Variants in SLCO1B1 observed in about 807,000 individuals in gnomAD.
The protein encoded by SLCO1B1 is OATP-2.
SLCO1B1 carries 81 observed loss-of-function variants against 70.1 expected under a neutral mutation model. That is an observed-to-expected ratio of 1.16 (90% CI 0.97 to 1.39). SLCO1B1 has a LOEUF of 1.39. Among genes scored for constraint, SLCO1B1 ranks in the 40% most tolerant of loss-of-function variants. The pLI is 0.00. For synonymous variants in SLCO1B1, 283 were observed against 271.5 expected (o/e 1.04, Z -0.42); for missense variants, 895 against 799.6 (o/e 1.12, Z -1.44).
chr12:21,151,382 C>T (rs765110702), intron 2 of SLCO1B1, among the ~76,000 whole-genome samples: 38 of 152,046 alleles, frequency 2.5e-4, no homozygotes, highest in Non-Finnish European at 4.3e-4. Flanking sequence ...TTTCACGTGA[C>T]GTCATACCAC....
chr12:21,170,390 T>C (rs897752242), intron 2 of SLCO1B1, among the ~76,000 whole-genome samples: 28 of 148,628 alleles, frequency 1.9e-4, no homozygotes, highest in African/African-American at 6.2e-4. Context: ...TTAGTACATA[T>C]GTTGTTAATA....
chr12:21,198,475 A>G (rs1941119365), intron 8 of SLCO1B1, among the ~76,000 whole-genome samples: 1 of 152,110 alleles, frequency 6.6e-6, no homozygotes, highest in Non-Finnish European at 1.5e-5. Flanking sequence ...GTCTAAACCT[A>G]TAAGGAGCGG....
At chr12:21,134,323 G>T (rs933748447) in intron 1 of SLCO1B1, among the ~76,000 whole-genome samples, 2 of 152,182 alleles carry the variant, frequency 1.3e-5, no homozygotes, top group African/African-American at 4.8e-5. Context: ...GCCAGGCTTT[G>T]GTATCAGGAT....
intron 11 of SLCO1B1, among the ~76,000 whole-genome samples, chr12:21,213,991 T>C (rs1941322439): frequency 6.6e-6 from 1 of 151,796 alleles, no homozygotes; most frequent in Non-Finnish European, 1.5e-5. Context: ...AGTTTTCAAC[T>C]TCTTTGCCTT....
chr12:21,154,829 G>A (rs909157516), intron 2 of SLCO1B1, among the ~76,000 whole-genome samples: 1 of 151,952 alleles, frequency 6.6e-6, no homozygotes, highest in Non-Finnish European at 1.5e-5. Context: ...TTATATGCTT[G>A]AGCATATATC....
At chr12:21,137,788 G>A (rs1406912689) in intron 1 of SLCO1B1, among the ~76,000 whole-genome samples, 2 of 152,192 alleles carry the variant, frequency 1.3e-5, no homozygotes, top group East Asian at 1.9e-4. Context: ...GTGCTTCCCG[G>A]GTGAGGCAAT....
intron 7 of SLCO1B1, among the ~76,000 whole-genome samples, chr12:21,183,049 C>A (rs1172237389): frequency 6.6e-6 from 1 of 152,206 alleles, no homozygotes; most frequent in Non-Finnish European, 1.5e-5. Flanking sequence ...CAGGCACAGG[C>A]CTGTTAAGGG....
intron 1 of SLCO1B1, among the ~76,000 whole-genome samples, chr12:21,131,687 T>TAA (rs4149089): frequency 6.6e-6 from 1 of 151,732 alleles, no homozygotes; most frequent in Non-Finnish European, 1.5e-5. Context: ...TTGGCAAACA[T>TAA]AAAAAACAGG....
chr12:21,162,968 T>C (rs1380795539), intron 2 of SLCO1B1, among the ~76,000 whole-genome samples: 1 of 152,188 alleles, frequency 6.6e-6, no homozygotes, highest in Non-Finnish European at 1.5e-5. Flanking sequence ...TGGTGTAATC[T>C]TTCTCTTTTA....
chr12:21,175,386 CTT>C (rs1255269683), intron 4 of SLCO1B1, among the ~76,000 whole-genome samples: 1 of 152,112 alleles, frequency 6.6e-6, no homozygotes, highest in Non-Finnish European at 1.5e-5. Flanking sequence ...TCTCTACTGA[CTT>C]TACATTTACC....
intron 14 of SLCO1B1, among the ~76,000 whole-genome samples, chr12:21,227,339 C>G (rs1029025861): frequency 6.6e-6 from 1 of 151,874 alleles, no homozygotes; most frequent in Non-Finnish European, 1.5e-5. Context: ...AAAAAAAGAA[C>G]CATGAAGAAT....
chr12:21,155,451 G>A (rs929086999), intron 2 of SLCO1B1, among the ~76,000 whole-genome samples: 2 of 151,578 alleles, frequency 1.3e-5, no homozygotes, highest in East Asian at 1.9e-4. Context: ...TTGTGTATTT[G>A]TAATGCTTAA....
At chr12:21,189,401 C>T (rs896700258) in intron 7 of SLCO1B1, among the ~76,000 whole-genome samples, 1 of 151,838 alleles carries the variant, frequency 6.6e-6, no homozygotes, top group African/African-American at 2.4e-5. Context: ...ATTTGTGTGT[C>T]TTCTTTGGAG....
intron 10 of SLCO1B1, 135 bp from the exon 11 acceptor site, chr12:21,205,733 C>CATATAAAGAAAA (rs1941207488): frequency 1.6e-6 from 1 of 638,616 alleles, no homozygotes. Flanking sequence ...CAAATTTCTT[C>CATATAAAGAAAA]ATATAAAGAA....
intron 2 of SLCO1B1, among the ~76,000 whole-genome samples, chr12:21,151,485 G>A (rs985008988): frequency 1.3e-5 from 2 of 151,776 alleles, no homozygotes; most frequent in African/African-American, 4.8e-5. Context: ...TTTCAATTTT[G>A]TGTCAGCATA....
intron 2 of SLCO1B1, among the ~76,000 whole-genome samples, chr12:21,162,558 G>A (rs995164737): frequency 5.3e-5 from 8 of 152,108 alleles, no homozygotes; most frequent in Admixed American, 1.3e-4. Context: ...CAGAATTCCC[G>A]TTGCTTCAAA....
chr12:21,160,348 A>T (rs1940601473), intron 2 of SLCO1B1, among the ~76,000 whole-genome samples: 1 of 152,108 alleles, frequency 6.6e-6, no homozygotes. Context: ...TTGATCTTCA[A>T]CAAAGCTCAC....
chr12:21,217,625 A>G (rs193158864), intron 12 of SLCO1B1, among the ~76,000 whole-genome samples: 2 of 152,270 alleles, frequency 1.3e-5, no homozygotes, highest in East Asian at 1.9e-4. Context: ...GAGTTGCCTT[A>G]CATCCTAATG....
chr12:21,237,672 A>G (rs1417029152), intron 14 of SLCO1B1, among the ~76,000 whole-genome samples: 1 of 152,180 alleles, frequency 6.6e-6, no homozygotes, highest in South Asian at 2.1e-4. Context: ...GAGTTTCCTG[A>G]ATCTGTGATA....
Sources: allele counts gnomAD v4.1 joint callset (sites outside exome capture counted in the v4.1 genomes callset), GRCh38; gene constraint gnomAD v4.1.1; transcripts MANE v1.5; gene names NCBI Gene and HGNC (gene_info 2026-07-23, HGNC 2026-07-21).